DIP2C: variants seen among roughly 807,000 people sequenced by gnomAD.
DIP2C encodes disco-interacting protein 2 homolog C.
In DIP2C, 33 loss-of-function variants were observed where a neutral mutation model predicts 192.4. The observed-to-expected ratio is 0.17, with a 90% CI of 0.13 to 0.23. DIP2C has a LOEUF of 0.23. DIP2C is among the 10% of genes least tolerant of loss of function. The pLI, the probability that DIP2C is intolerant of heterozygous loss-of-function variation, is 1.00. For synonymous variants in DIP2C, 979 were observed against 864.1 expected (o/e 1.13, Z -2.33); for missense variants, 1,537 against 2,110.1 (o/e 0.73, Z 5.32).
At chr10:618,806 C>T (rs766855710) in intron 1 of DIP2C, among the ~76,000 whole-genome samples, 1 of 152,258 alleles carries the variant, frequency 6.6e-6, no homozygotes, top group African/African-American at 2.4e-5. Flanking sequence ...TCCCGCACTG[C>T]TCAGCCACAC....
chr10:546,652 C>T (rs980203315), intron 1 of DIP2C, among the ~76,000 whole-genome samples: 10 of 152,248 alleles, frequency 6.6e-5, no homozygotes, highest in Admixed American at 1.3e-4. Context: ...CCCTGGTCGA[C>T]GGGCCTTTCT....
chr10:445,535 G>A (rs562977287), intron 3 of DIP2C, among the ~76,000 whole-genome samples: 2 of 151,570 alleles, frequency 1.3e-5, no homozygotes, highest in South Asian at 2.1e-4. Context: ...TACATCTGTT[G>A]CGAAGAGTCT....
intron 1 of DIP2C, among the ~76,000 whole-genome samples, chr10:545,447 C>A (rs545620015): frequency 6.6e-5 from 10 of 152,208 alleles, no homozygotes; most frequent in Admixed American, 2.6e-4. Flanking sequence ...TGAGCCACCA[C>A]GCCCAGCCAT....
At chr10:385,164 G>C (rs1401183771) in intron 14 of DIP2C, among the ~76,000 whole-genome samples, 2 of 151,878 alleles carry the variant, frequency 1.3e-5, no homozygotes, top group African/African-American at 4.8e-5. Context: ...CCGAGGATCA[G>C]CAGCTCTCAG....
At chr10:287,235 C>A (rs1327043132) in intron 33 of DIP2C, among the ~76,000 whole-genome samples, 1 of 152,128 alleles carries the variant, frequency 6.6e-6, no homozygotes, top group Non-Finnish European at 1.5e-5. Context: ...AGGCATGAGA[C>A]ACTGGCTCTG....
Position 363,230 on chromosome 10 carries a change from C to G in DIP2C, c.2559G>C (p.Glu853Asp), listed in dbSNP as rs149928021. 23 of 1,613,586 alleles carry G rather than the reference C, an allele frequency of 1.4e-5. No individual in the cohort carries two copies. Among genetic ancestry groups the G allele is most frequent in the African/African-American group, 2.7e-5 (2 of 74,918 alleles). ...VAEQRPDSTE[E>D]DSFQWMSRVL... ...CACGGCTCATCCACTGGAAACTGTC[C>G]TCTTCCGTGGAGTCAGGCCTCTGCT... The change falls in exon 21 of 37, where the codon GAG (glutamate) becomes GAC (aspartate). Residue 853 changes from glutamate (E) to aspartate (D), a missense_variant. Physicochemically the swap from Glu to Asp is conservative, Grantham distance 45. This residue lies in a region of DIP2C where 677 missense variants were observed against 989.9 expected (regional missense o/e 0.68). Transcript: ENST00000280886. This position sits in a 1 kb window ranked among gnomAD's most constrained non-coding sequence, Gnocchi z 5.4.
chr10:672,231 C>T (rs1001892338), intron 1 of DIP2C, among the ~76,000 whole-genome samples: 5 of 151,602 alleles, frequency 3.3e-5, no homozygotes, highest in African/African-American at 1.2e-4. Flanking sequence ...ACGGAAGAAA[C>T]ACCACAGATG....
At chr10:508,333 G>A (rs951312081) in intron 1 of DIP2C, among the ~76,000 whole-genome samples, 4 of 152,200 alleles carry the variant, frequency 2.6e-5, no homozygotes, top group Non-Finnish European at 5.9e-5. Context: ...CAGGCTCAGA[G>A]TGCCCAGGCC....
intron 36 of DIP2C, among the ~76,000 whole-genome samples, chr10:279,626 C>T (rs1002440436): frequency 2.6e-5 from 4 of 152,268 alleles, no homozygotes; most frequent in Non-Finnish European, 5.9e-5. Context: ...CAGCATGGAG[C>T]AGCCGATGGT....
At chr10:685,003 G>A (rs763705248) in intron 1 of DIP2C, among the ~76,000 whole-genome samples, 53 of 151,114 alleles carry the variant, frequency 3.5e-4, no homozygotes, top group South Asian at 2.5e-3. Context: ...GTGTGGTGGC[G>A]GGCACCTGTA....
In DIP2C at chr10:416,475, G is replaced by A. The variant is rs1039571524; in HGVS notation, c.740-587C>T. On this transcript the variant is annotated intron_variant, in intron 6 of 36. Coordinates refer to ENST00000280886, the MANE Select transcript of DIP2C (RefSeq NM_014974.3). ...CTAATAAAGACTGAGCTCCTCACAC[G>A]CGTTCCAAACCCACGCAGCTCAGCC... 6.6e-5 allele frequency among the ~76,000 whole-genome samples: 10 copies of A among 152,126 alleles called. No individual in the cohort carries two copies. In the East Asian group the frequency reaches 9.7e-4, roughly 15 times the overall value.
intron 1 of DIP2C, among the ~76,000 whole-genome samples, chr10:587,090 C>T (rs547036369): frequency 2.6e-4 from 38 of 147,504 alleles, no homozygotes; most frequent in South Asian, 6.4e-4. Context: ...AAGGCCGGAC[C>T]ACCCGGATCC....
At chr10:371,505 GAA>G (rs757554123) in intron 17 of DIP2C, among the ~76,000 whole-genome samples, 2 of 152,230 alleles carry the variant, frequency 1.3e-5, no homozygotes, top group Admixed American at 1.3e-4. Flanking sequence ...CCTTGTAAGA[GAA>G]AAGAGAGGTC....
chr10:348,856 A>T (rs1958649910), intron 25 of DIP2C, 94 bp from the exon 26 acceptor site: 2 of 1,544,188 alleles, frequency 1.3e-6, no homozygotes, highest in Non-Finnish European at 1.7e-6. Flanking sequence ...GGGCAAGTTC[A>T]ACAGGGAAAC....
At chr10:585,526 CACACACA>C (rs1850964867) in intron 1 of DIP2C, among the ~76,000 whole-genome samples, 1 of 152,224 alleles carries the variant, frequency 6.6e-6, no homozygotes, top group Non-Finnish European at 1.5e-5. Flanking sequence ...GTGATGTGGG[CACACACA>C]TCCTGAAGCT....
intron 1 of DIP2C, among the ~76,000 whole-genome samples, chr10:577,370 A>G (rs1482700429): frequency 6.6e-6 from 1 of 152,244 alleles, no homozygotes; most frequent in Admixed American, 6.5e-5. Context: ...TAAGCATGAG[A>G]AATTAGTCAC....
chr10:356,349 A>G, intron 24 of DIP2C, 77 bp downstream of exon 24: 1 of 1,501,758 alleles, frequency 6.7e-7, no homozygotes, highest in Non-Finnish European at 9.2e-7. Flanking sequence ...ATTCAAAGAA[A>G]GAAGCAGGAG....
chr10:670,771 A>C (rs1005472216), intron 1 of DIP2C, among the ~76,000 whole-genome samples: 6 of 152,218 alleles, frequency 3.9e-5, no homozygotes, highest in Non-Finnish European at 8.8e-5. Flanking sequence ...TACCATGCAA[A>C]TCACAGCTGT....
chr10:670,254 A>G (rs972672365), intron 1 of DIP2C, among the ~76,000 whole-genome samples: 3 of 151,832 alleles, frequency 2.0e-5, no homozygotes, highest in Non-Finnish European at 4.4e-5. Context: ...GCACACACGT[A>G]CATGCACATA....
Sources: allele counts gnomAD v4.1 joint callset (sites outside exome capture counted in the v4.1 genomes callset), GRCh38; gene constraint gnomAD v4.1.1; regional missense constraint gnomAD v4.1.1; non-coding constraint Gnocchi (gnomAD v3.1); transcripts MANE v1.5; gene names NCBI Gene and HGNC (gene_info 2026-07-23, HGNC 2026-07-21).